Variants in CROT observed in about 807,000 individuals in gnomAD.
CROT encodes carnitine O-octanoyltransferase, also known as peroxisomal carnitine O-octanoyltransferase.
CROT carries 84 observed loss-of-function variants against 89.2 expected under a neutral mutation model. The ratio of observed to expected loss-of-function variants is 0.94; its 90% CI spans 0.79 to 1.13. The LOEUF is 1.13. Among genes scored for constraint, CROT ranks in the 50% most tolerant of loss-of-function variants. The pLI is 0.00. For synonymous variants in CROT, 212 were observed against 239.5 expected (o/e 0.89, Z 1.06); for missense variants, 711 against 727.8 (o/e 0.98, Z 0.27).
intron 6 of CROT, among the ~76,000 whole-genome samples, chr7:87,364,132 C>G (rs1238861750): frequency 1.3e-5 from 2 of 152,086 alleles, no homozygotes; most frequent in African/African-American, 4.8e-5. Flanking sequence ...TGTACATAGG[C>G]AGTTGGATTC....
intron 13 of CROT, among the ~76,000 whole-genome samples, chr7:87,388,633 G>A (rs1807257704): frequency 6.6e-6 from 1 of 152,098 alleles, no homozygotes; most frequent in South Asian, 2.1e-4. Context: ...ACTCAAGATG[G>A]ATTAAAGACT....
chr7:87,357,649 T>C, intron 3 of CROT: 1 of 735,382 alleles, frequency 1.4e-6, no homozygotes, highest in Non-Finnish European at 2.4e-6. Flanking sequence ...CATTGCGGAG[T>C]AGAGCGTCCT....
At position 87,361,777 on chromosome 7, in the gene CROT, C is replaced by G. The variant is rs1239613044; in HGVS notation, c.472C>G (p.Gln158Glu). 6.2e-7 allele frequency: 1 copy of G among 1,608,372 alleles called. No individual in the cohort carries two copies. Among genetic ancestry groups the G allele is most frequent in the Admixed American group, 1.7e-5 (1 of 59,236 alleles). ...KVGNTPLDMN[Q>E]FRMLFSTCKV... ...TGGAAATACTCCTCTAGATATGAATCAATTCCGAATGCTATTTTCTACCTG... is the reference window on the plus strand; with the variant it reads ...TGGAAATACTCCTCTAGATATGAATGAATTCCGAATGCTATTTTCTACCTG... The change falls in exon 6 of 18, where the codon CAA becomes GAA. Residue 158 changes from glutamine (Q) to glutamate (E), a missense_variant. Physicochemically the swap from Gln to Glu is conservative, Grantham distance 29. Coordinates refer to ENST00000331536, the MANE Select transcript of CROT (RefSeq NM_021151.4).
In CROT at chr7:87,375,649, A is replaced by C. The variant is rs374185276; in HGVS notation, c.674A>C (p.His225Pro). Reference sequence around the variant, plus strand: ...TCCATAAGACAACTGACATATATCCACAAGAAGTGCCATAGTGAACCTGAT... The same window carrying C: ...TCCATAAGACAACTGACATATATCCCCAAGAAGTGCCATAGTGAACCTGAT... Reference protein sequence around the residue: ...PELLRQLTYIHKKCHSEPDGP... With the variant: ...PELLRQLTYIPKKCHSEPDGP... Residue 225 changes from histidine to proline, a missense_variant, in exon 8 of 18, where the codon CAC becomes CCC. Coordinates refer to ENST00000331536, the MANE Select transcript of CROT (RefSeq NM_021151.4). 8 of 1,612,944 alleles carry C rather than the reference A, an allele frequency of 5.0e-6. No homozygotes were observed. The African/African-American group carries it at 1.1e-4, about 22-fold the overall frequency.
intron 3 of CROT, among the ~76,000 whole-genome samples, chr7:87,352,203 G>C (rs1406564876): frequency 2.0e-5 from 3 of 152,156 alleles, no homozygotes; most frequent in Admixed American, 1.3e-4. Context: ...AAAGGGCTTA[G>C]AACTTTTAAA....
intron 6 of CROT, among the ~76,000 whole-genome samples, chr7:87,363,271 T>C (rs971039912): frequency 1.3e-5 from 2 of 152,116 alleles, no homozygotes; most frequent in Admixed American, 6.5e-5. Flanking sequence ...TGTGAAGACA[T>C]GTAGAGATAG....
chr7:87,376,088 T>G (rs368557333), intron 9 of CROT, 135 bp downstream of exon 9: 29 of 748,770 alleles, frequency 3.9e-5, no homozygotes, highest in Admixed American at 2.1e-4. Context: ...AATATACTTG[T>G]GCCAAATTGA....
intron 6 of CROT, among the ~76,000 whole-genome samples, chr7:87,366,640 T>C (rs1806458512): frequency 6.6e-6 from 1 of 152,204 alleles, no homozygotes; most frequent in South Asian, 2.1e-4. Context: ...TACTGCTCTC[T>C]TCATGGCTCC....
chr7:87,352,657 A>G (rs1805905868), intron 3 of CROT, among the ~76,000 whole-genome samples: 1 of 152,154 alleles, frequency 6.6e-6, no homozygotes, highest in African/African-American at 2.4e-5. Flanking sequence ...AGCCCTTACA[A>G]TCTCATGTGG....
At chr7:87,384,029 A>T (rs2116060800) in intron 13 of CROT, among the ~76,000 whole-genome samples, 1 of 151,912 alleles carries the variant, frequency 6.6e-6, no homozygotes, top group Non-Finnish European at 1.5e-5. Flanking sequence ...ACTAATTTAC[A>T]TTTCCACCAA....
intron 17 of CROT, among the ~76,000 whole-genome samples, chr7:87,397,624 C>T (rs1376367442): frequency 6.6e-6 from 1 of 152,122 alleles, no homozygotes; most frequent in African/African-American, 2.4e-5. Context: ...GAGAATGATT[C>T]GTGATCATGA....
At chr7:87,392,381 G>A (rs1807390339) in intron 14 of CROT, among the ~76,000 whole-genome samples, 185 bp from the exon 15 acceptor site, 1 of 152,150 alleles carries the variant, frequency 6.6e-6, no homozygotes, top group Non-Finnish European at 1.5e-5. Flanking sequence ...TAAGAAGCAG[G>A]ATATACAGGG....
At chr7:87,368,043 T>C (rs1383121776) in intron 6 of CROT, among the ~76,000 whole-genome samples, 1 of 152,222 alleles carries the variant, frequency 6.6e-6, no homozygotes, top group Non-Finnish European at 1.5e-5. Context: ...CTGAGGCCAG[T>C]ATAATCGGGT....
Position 87,369,457 on chromosome 7 carries a change from G to A in CROT, c.629G>A (p.Cys210Tyr), listed in dbSNP as rs1375487765. 3.1e-6 allele frequency: 5 copies of A among 1,612,470 alleles called. No homozygotes were observed. The highest frequency in any genetic ancestry group is 4.2e-6 in the Non-Finnish European group (5 of 1,179,206). Residue 210 changes from cysteine (C) to tyrosine (Y), a missense_variant, in exon 7 of 18, where the codon TGT (cysteine) becomes TAT (tyrosine). By Grantham distance (194) the Cys-to-Tyr change is radical. Transcript: ENST00000331536. ...AFVFDVIHEGCLVTPPELLRQ... is the reference protein window; with the variant it reads ...AFVFDVIHEGYLVTPPELLRQ... Reference sequence around the variant, plus strand: ...GTCTTTGATGTAATACATGAAGGATGTTTGGTCACCCCGCCAGAGCTTCTC... The same window carrying A: ...GTCTTTGATGTAATACATGAAGGATATTTGGTCACCCCGCCAGAGCTTCTC...
At chr7:87,346,123 T>C (rs1805664045) in intron 1 of CROT, among the ~76,000 whole-genome samples, 1 of 152,218 alleles carries the variant, frequency 6.6e-6, no homozygotes, top group African/African-American at 2.4e-5. Context: ...ACCCGTCTAA[T>C]GGAAGGTGTA....
Position 87,349,085 on chromosome 7 carries a change from C to T in CROT, c.17C>T (p.Ala6Val). The T allele has an allele frequency of 6.3e-7, 1 of 1,598,424 alleles. No individual in the cohort carries two copies. The highest frequency in any genetic ancestry group is 8.6e-7 in the Non-Finnish European group (1 of 1,169,358). Residue 6 changes from alanine (A) to valine (V), a missense_variant, in exon 3 of 18, where the codon GCT becomes GTT. Transcript: ENST00000331536. MENQL[A>V]KSTEERTFQY... is the part of the protein sequence containing the mutation. ...GATTTTATCATGGAAAATCAATTGG[C>T]TAAATCAACTGAAGAACGAACATTT...
chr7:87,349,283 GAGTT>G (rs1212391777), intron 3 of CROT, 100 bp downstream of exon 3: 3 of 518,066 alleles, frequency 5.8e-6, no homozygotes, highest in Non-Finnish European at 9.9e-6. Context: ...CTCTAAGAGA[GAGTT>G]AGAGTTCTTG....
rs1806545083 is a variant in CROT at position 87,369,264 on chromosome 7, T to C, written c.548-112T>C. On this transcript the variant is annotated intron_variant, in intron 6 of 17. Transcript: ENST00000331536. ...TGTTATGTGATATATTTGATGACTA[T>C]ATGATAAATAAAATACTGGAAGAAT... The C allele has an allele frequency of 7.8e-6, 5 of 638,682 alleles. No individual in the cohort carries two copies. The South Asian group carries it at 9.1e-5, about 12-fold the overall frequency. 39.6% of individuals were successfully genotyped at this position (638,682 alleles called of 1,614,324 possible).
At position 87,392,607 on chromosome 7, in the gene CROT, G is replaced by A; in HGVS notation, c.1467G>A (p.Lys489=). Residue 489 remains lysine (K), a synonymous_variant, in exon 15 of 18, where the codon AAG becomes AAA. Transcript: ENST00000331536. ...AAAAGATGTTACAAGCTTTTGCAAAGCATAATAAAATGATGAAAGATTGTT... is the reference window on the plus strand; with the variant it reads ...AAAAGATGTTACAAGCTTTTGCAAAACATAATAAAATGATGAAAGATTGTT... ...RQQKMLQAFA[K]HNKMMKDCSA... is the part of the protein sequence containing the mutation. 1.2e-6 allele frequency: 2 copies of A among 1,613,432 alleles called. No individual in the cohort carries two copies. The highest frequency in any genetic ancestry group is 1.7e-6 in the Non-Finnish European group (2 of 1,179,670).
Sources: allele counts gnomAD v4.1 joint callset (sites outside exome capture counted in the v4.1 genomes callset), GRCh38; gene constraint gnomAD v4.1.1; transcripts MANE v1.5; gene names NCBI Gene and HGNC (gene_info 2026-07-23, HGNC 2026-07-21).